The following ELAVL4 variants were observed in gnomAD, a reference collection of about 807,000 sequenced individuals.
The protein encoded by ELAVL4 is ELAV like RNA binding protein 4, also known as ELAV-like protein 4.
In ELAVL4, 1 loss-of-function variant was observed where a neutral mutation model predicts 35.6. The observed-to-expected ratio is 0.03, with a 90% CI of 0.01 to 0.13. ELAVL4 has a LOEUF of 0.13. Among genes scored for constraint, ELAVL4 ranks in the 10% least tolerant of loss-of-function variants. The pLI, the probability that ELAVL4 is intolerant of heterozygous loss-of-function variation, is 1.00. For synonymous variants in ELAVL4, 156 were observed against 171.0 expected (o/e 0.91, Z 0.69); for missense variants, 267 against 464.9 (o/e 0.57, Z 3.91).
At chr1:50,131,898 AAAAAC>A (rs1176791753) in intron 1 of ELAVL4, among the ~76,000 whole-genome samples, 1 of 151,976 alleles carries the variant, frequency 6.6e-6, no homozygotes, top group Non-Finnish European at 1.5e-5. Context: ...AAAAAAAAAA[AAAAAC>A]CAGAAGTTTG....
At chr1:50,057,028 G>C (rs1663714604) in intron 1 of ELAVL4, among the ~76,000 whole-genome samples, 1 of 151,902 alleles carries the variant, frequency 6.6e-6, no homozygotes, top group African/African-American at 2.4e-5. Flanking sequence ...ATAAGGCATT[G>C]TTATCACGGG....
At chr1:50,149,612 C>T (rs1385770285) in intron 2 of ELAVL4, among the ~76,000 whole-genome samples, 1 of 143,588 alleles carries the variant, frequency 7.0e-6, no homozygotes, top group African/African-American at 2.6e-5. Context: ...GGTGCAATCT[C>T]GGCTCACTGC....
At chr1:50,055,603 A>G (rs746724951) in intron 1 of ELAVL4, among the ~76,000 whole-genome samples, 1 of 151,738 alleles carries the variant, frequency 6.6e-6, no homozygotes, top group Non-Finnish European at 1.5e-5. Flanking sequence ...CCAACAATCA[A>G]TTTTAAATAT....
chr1:50,113,302 A>G (rs1184232835), intron 1 of ELAVL4, among the ~76,000 whole-genome samples: 1 of 151,860 alleles, frequency 6.6e-6, no homozygotes, highest in Non-Finnish European at 1.5e-5. Context: ...TAGGCCAAAT[A>G]CTATTTCTTC....
chr1:50,091,781 A>G (rs1665506293), intron 1 of ELAVL4, among the ~76,000 whole-genome samples: 1 of 152,180 alleles, frequency 6.6e-6, no homozygotes, highest in South Asian at 2.1e-4. Flanking sequence ...CACTTCTATC[A>G]TCTCATGTTA....
At chr1:50,068,318 G>C (rs1451650711) in intron 1 of ELAVL4, among the ~76,000 whole-genome samples, 2 of 152,134 alleles carry the variant, frequency 1.3e-5, no homozygotes, top group African/African-American at 4.8e-5. Flanking sequence ...TATGGCGGTG[G>C]GTGAGAGGGG....
intron 1 of ELAVL4, among the ~76,000 whole-genome samples, chr1:50,095,757 C>T (rs997504965): frequency 6.6e-6 from 1 of 152,196 alleles, no homozygotes; most frequent in African/African-American, 2.4e-5. Context: ...GTGACTAAGA[C>T]TTTCCAGCTA....
chr1:50,124,595 T>C (rs759386177), intron 1 of ELAVL4, among the ~76,000 whole-genome samples: 1 of 152,136 alleles, frequency 6.6e-6, no homozygotes, highest in Non-Finnish European at 1.5e-5. Flanking sequence ...AAGGTAGGAA[T>C]TAATGAGAAA....
chr1:50,142,364 C>G (rs1445877673), intron 1 of ELAVL4, among the ~76,000 whole-genome samples: 7 of 152,074 alleles, frequency 4.6e-5, no homozygotes, highest in African/African-American at 1.4e-4. Flanking sequence ...CACACACACA[C>G]AGCTAATTTT....
upstream of ELAVL4, chr1:50,103,890 G>C (rs1666115918): frequency 6.2e-7 from 1 of 1,607,666 alleles, no homozygotes; most frequent in Non-Finnish European, 8.5e-7. Context: ...CGGAGGGACT[G>C]GTGTGAAGAG....
intron 1 of ELAVL4, among the ~76,000 whole-genome samples, chr1:50,084,657 T>C (rs1665157835): frequency 1.3e-5 from 2 of 152,180 alleles, no homozygotes; most frequent in Non-Finnish European, 2.9e-5. Context: ...GTCAAGAATG[T>C]TCTTGCCTTG....
intron 1 of ELAVL4, among the ~76,000 whole-genome samples, chr1:50,069,989 T>G (rs972513354): frequency 9.8e-5 from 15 of 152,326 alleles, no homozygotes; most frequent in African/African-American, 3.6e-4. Flanking sequence ...TTCTATAAAA[T>G]TCTGTGGTTT....
intron 1 of ELAVL4, among the ~76,000 whole-genome samples, chr1:50,088,670 G>T (rs930567227): frequency 4.6e-5 from 7 of 152,138 alleles, no homozygotes; most frequent in Non-Finnish European, 1.0e-4. Context: ...TGGCCTGAAG[G>T]TCTTGGCAGA....
At chr1:50,080,248 A>C (rs1664947475) in intron 1 of ELAVL4, among the ~76,000 whole-genome samples, 1 of 152,192 alleles carries the variant, frequency 6.6e-6, no homozygotes, top group South Asian at 2.1e-4. Context: ...GATCCTGGAT[A>C]GGCTTGTAAG....
intron 1 of ELAVL4, among the ~76,000 whole-genome samples, chr1:50,118,911 A>G (rs1668412762): frequency 7.2e-6 from 1 of 138,972 alleles, no homozygotes. Flanking sequence ...GATATCCCAA[A>G]TGCCATTTTG....
At chr1:50,140,320 G>T (rs1672609977) in intron 1 of ELAVL4, among the ~76,000 whole-genome samples, 1 of 152,246 alleles carries the variant, frequency 6.6e-6, no homozygotes, top group African/African-American at 2.4e-5. Context: ...GGAAGCAAGT[G>T]TTCTGATTTT....
upstream of ELAVL4, chr1:50,105,573 AAG>A (rs1666234640): frequency 6.6e-6 from 1 of 152,210 alleles, no homozygotes; most frequent in Admixed American, 6.5e-5. Context: ...GGAAAAAAAA[AAG>A]AAATCTTTTA....
Position 50,058,422 on chromosome 1 carries a change from G to A in ELAVL4, c.18+10240G>A, listed in dbSNP as rs1663790494. ...AAAATTAAATGGGAAATTTTGAAAG[G>A]GGCAGCATTCTTACCTTATGTTTCT... On this transcript the variant is annotated intron_variant, in intron 1 of 6. Coordinates refer to the ELAVL4 transcript ENST00000448907. 3.3e-5 allele frequency among the ~76,000 whole-genome samples: 5 copies of A among 152,142 alleles called. No individual in the cohort carries two copies. The South Asian group carries it at 1.0e-3, about 32-fold the overall frequency.
intron 1 of ELAVL4, among the ~76,000 whole-genome samples, chr1:50,110,762 TGTG>T (rs1315612596): frequency 6.6e-6 from 1 of 152,186 alleles, no homozygotes; most frequent in Non-Finnish European, 1.5e-5. Flanking sequence ...ATAACAAAGC[TGTG>T]GTCTTTTTCC....
Sources: allele counts gnomAD v4.1 joint callset (sites outside exome capture counted in the v4.1 genomes callset), GRCh38; gene constraint gnomAD v4.1.1; transcripts MANE v1.5; gene names NCBI Gene and HGNC (gene_info 2026-07-23, HGNC 2026-07-21).